PLCB4: variants seen among roughly 807,000 people sequenced by gnomAD.
PLCB4 encodes phospholipase C beta 4, also known as 1-phosphatidylinositol 4,5-bisphosphate phosphodiesterase beta-4.
A neutral mutation model predicts 178.8 loss-of-function variants in PLCB4; 77 were observed. That is an observed-to-expected ratio of 0.43 (90% confidence interval 0.36 to 0.52). PLCB4 has a LOEUF of 0.52. PLCB4 is among the 20% of genes least tolerant of loss of function. The probability of loss-of-function intolerance (pLI) is 0.00; values close to 1 mark genes in which losing one functional copy is unlikely to be tolerated. For synonymous variants in PLCB4, 496 were observed against 490.8 expected, an observed-to-expected ratio of 1.01 and a Z score of -0.14; for missense variants, 1,024 against 1,453.4, an observed-to-expected ratio of 0.70 and a Z score of 4.80.
chr20:9,360,863 A>G (rs2035262468), intron 7 of PLCB4, among the ~76,000 whole-genome samples: 1 of 152,246 alleles, frequency 6.6e-6, no homozygotes. Context: ...TTTACCTCTT[A>G]TAACCCCTAA....
At chr20:9,341,761 G>A (rs2033229489) in intron 7 of PLCB4, among the ~76,000 whole-genome samples, 1 of 151,824 alleles carries the variant, frequency 6.6e-6, no homozygotes, top group African/African-American at 2.4e-5. Flanking sequence ...GGGGGTGGGG[G>A]GATGTATACT....
chr20:9,324,555 G>A (rs1410108781), intron 4 of PLCB4, among the ~76,000 whole-genome samples: 1 of 152,114 alleles, frequency 6.6e-6, no homozygotes, highest in Non-Finnish European at 1.5e-5. Context: ...AAATGTCTTG[G>A]GGGTTTGTTT....
chr20:9,300,545 AT>A (rs1461364143), intron 3 of PLCB4, among the ~76,000 whole-genome samples: 1 of 152,172 alleles, frequency 6.6e-6, no homozygotes, highest in Non-Finnish European at 1.5e-5. Context: ...TGAAGTTTGT[AT>A]TTATTGCTGA....
intron 2 of PLCB4, among the ~76,000 whole-genome samples, chr20:9,195,021 G>A (rs2093453669): frequency 6.6e-6 from 1 of 152,216 alleles, no homozygotes; most frequent in Non-Finnish European, 1.5e-5. Flanking sequence ...AAATTAGGAA[G>A]TTTGGTTTTT....
At chr20:9,160,863 A>T (rs1244354501) in intron 2 of PLCB4, among the ~76,000 whole-genome samples, 1 of 152,170 alleles carries the variant, frequency 6.6e-6, no homozygotes, top group African/African-American at 2.4e-5. Context: ...GAAATTACTC[A>T]TGCTGGCAGC....
chr20:9,309,016 T>C (rs1246420919), intron 4 of PLCB4, among the ~76,000 whole-genome samples: 4 of 152,216 alleles, frequency 2.6e-5, no homozygotes, highest in African/African-American at 4.8e-5. Flanking sequence ...TGTTTTTCTT[T>C]TTTTTCTCTC....
chr20:9,417,463 C>T (rs74386421), intron 25 of PLCB4, among the ~76,000 whole-genome samples: 1,835 of 152,234 alleles, frequency 0.012, 44 homozygotes, highest in African/African-American at 0.042. Flanking sequence ...TATGGCCTTT[C>T]GTGCCTGGCT....
intron 4 of PLCB4, among the ~76,000 whole-genome samples, chr20:9,332,974 G>T (rs998867686): frequency 1.3e-5 from 2 of 152,218 alleles, no homozygotes; most frequent in Admixed American, 1.3e-4. Context: ...TTACAAAAAG[G>T]GACTCCTGCC....
chr20:9,118,702 C>T (rs2091863317), intron 2 of PLCB4, among the ~76,000 whole-genome samples: 1 of 152,036 alleles, frequency 6.6e-6, no homozygotes, highest in Non-Finnish European at 1.5e-5. Flanking sequence ...TCATTAGAGA[C>T]TCGCTGAATG....
At chr20:9,192,372 G>A (rs537437468) in intron 2 of PLCB4, among the ~76,000 whole-genome samples, 2 of 152,222 alleles carry the variant, frequency 1.3e-5, no homozygotes, top group Non-Finnish European at 2.9e-5. Context: ...GGTTTCTTAG[G>A]AGGTCTTTGG....
At chr20:9,134,472 C>G (rs1449592152) in intron 2 of PLCB4, among the ~76,000 whole-genome samples, 1 of 151,648 alleles carries the variant, frequency 6.6e-6, no homozygotes, top group East Asian at 1.9e-4. Flanking sequence ...TATCCTTCTC[C>G]CTCTTGGCCC....
At position 9,479,222 on chromosome 20, in the gene PLCB4, A is replaced by G. The variant is rs1339018299; in HGVS notation, c.*213A>G. The stretch of plus-strand genomic sequence containing the variant: ...AATAGCTACAAATCCACAAAAATTT[A>G]CTATTCCAGTAAGGCAGAGTCCAAC... On this transcript the variant is annotated 3_prime_UTR_variant, in exon 40 of 40. Coordinates refer to ENST00000378473, the MANE Select transcript of PLCB4 (RefSeq NM_001377142.1). The G allele has an allele frequency of 1.1e-5, 6 of 559,982 alleles. No homozygotes were observed. Among genetic ancestry groups the G allele is most frequent in the Middle Eastern group, 4.7e-4 (1 of 2,146 alleles). The allele number at this position is 559,982 out of a possible 1,614,324, so 34.7% of individuals were successfully genotyped here. A position where few individuals can be genotyped will look rare whatever the true frequency, so the allele number is the denominator to read the frequency against.
chr20:9,221,602 T>C (rs983670775), intron 3 of PLCB4, among the ~76,000 whole-genome samples: 15 of 152,176 alleles, frequency 9.9e-5, no homozygotes, highest in Non-Finnish European at 5.9e-5. Flanking sequence ...TTTCAGAGGC[T>C]GCATAGGATT....
chr20:9,136,400 C>G (rs1467986802), intron 2 of PLCB4, among the ~76,000 whole-genome samples: 1 of 152,052 alleles, frequency 6.6e-6, no homozygotes, highest in African/African-American at 2.4e-5. Context: ...TGCTGGGGCC[C>G]TTTTGGAGAC....
intron 2 of PLCB4, among the ~76,000 whole-genome samples, chr20:9,119,963 C>T (rs1362085007): frequency 6.6e-6 from 1 of 152,202 alleles, no homozygotes; most frequent in Non-Finnish European, 1.5e-5. Flanking sequence ...TGTTTGCAGA[C>T]ACTGTTGAGA....
chr20:9,471,915 C>A (rs2122653176), intron 36 of PLCB4, among the ~76,000 whole-genome samples: 1 of 152,284 alleles, frequency 6.6e-6, no homozygotes, highest in South Asian at 2.1e-4. Flanking sequence ...AAGATATGCA[C>A]CATACTTCAT....
intron 38 of PLCB4, among the ~76,000 whole-genome samples, chr20:9,474,310 A>G (rs950863190): frequency 6.6e-6 from 1 of 152,146 alleles, no homozygotes; most frequent in Admixed American, 6.5e-5. Flanking sequence ...TATCTGGTGC[A>G]TAGTACAGGT....
intron 35 of PLCB4, among the ~76,000 whole-genome samples, chr20:9,465,852 A>G (rs2043744819): frequency 1.3e-5 from 2 of 152,202 alleles, no homozygotes; most frequent in Non-Finnish European, 2.9e-5. Context: ...GAAAATGCCC[A>G]TACTGCCCAA....
intron 1 of PLCB4, among the ~76,000 whole-genome samples, chr20:9,073,990 G>A (rs1397095577): frequency 1.3e-5 from 2 of 152,146 alleles, no homozygotes; most frequent in East Asian, 1.9e-4. Context: ...CCATGTGCTC[G>A]AGAAATGCTT....
Sources: allele counts gnomAD v4.1 joint callset (sites outside exome capture counted in the v4.1 genomes callset), GRCh38; gene constraint gnomAD v4.1.1; transcripts MANE v1.5; gene names NCBI Gene and HGNC (gene_info 2026-07-23, HGNC 2026-07-21).